Variants in SLCO5A1 observed in about 807,000 individuals in gnomAD.
The protein encoded by SLCO5A1 is solute carrier organic anion transporter family member 5A1.
Under a neutral mutation model 65.1 loss-of-function variants are expected in SLCO5A1, and 39 were observed. That is an observed-to-expected ratio of 0.60 (90% confidence interval 0.46 to 0.78). The LOEUF (loss-of-function observed/expected upper bound fraction) is 0.78. Ranked by LOEUF, SLCO5A1 falls within the 30% of genes least tolerant of loss-of-function variation. SLCO5A1 has a pLI of 0.00. For missense variants in SLCO5A1, 1,029 were observed against 1,069.4 expected, an observed-to-expected ratio of 0.96 and a Z score of 0.53; for synonymous variants, 438 against 415.7, an observed-to-expected ratio of 1.05 and a Z score of -0.65.
At position 69,682,327 on chromosome 8, in the gene SLCO5A1, G is replaced by A. The variant is rs1178481715; in HGVS notation, c.1639C>T (p.Pro547Ser). Reference sequence around the variant, plus strand: ...CAGCTTCCTGTCAGATTCCTATGGGGCATGGTGAGAGAAGGTCTAAGAGAG... The same window carrying A: ...CAGCTTCCTGTCAGATTCCTATGGGACATGGTGAGAGAAGGTCTAAGAGAG... ...PYTTGPSLTM[P>S]HRNLTGSCNV... The change falls in exon 7 of 10, where the codon CCC becomes TCC. Residue 547 changes from proline (P) to serine (S), a missense_variant. Pro to Ser is a moderately conservative substitution (Grantham distance 74). This residue lies in a region of SLCO5A1 where 124 missense variants were observed against 184.5 expected (regional missense o/e 0.67). Transcript: ENST00000260126. 4 of 1,605,914 alleles carry A rather than the reference G, an allele frequency of 2.5e-6. No homozygotes were observed. The highest frequency in any genetic ancestry group is 3.4e-6 in the Non-Finnish European group (4 of 1,176,876).
intron 4 of SLCO5A1, among the ~76,000 whole-genome samples, chr8:69,746,515 A>G (rs1413554345): frequency 2.0e-5 from 3 of 152,184 alleles, no homozygotes; most frequent in Admixed American, 6.5e-5. Context: ...TATATAAAAG[A>G]TGGGGATTTT....
chr8:69,711,823 T>C (rs1469555855), intron 5 of SLCO5A1, among the ~76,000 whole-genome samples: 1 of 152,248 alleles, frequency 6.6e-6, no homozygotes, highest in African/African-American at 2.4e-5. Context: ...TCGAACAGTG[T>C]CTGACCAACA....
At chr8:69,726,701 A>T (rs1192537351) in intron 5 of SLCO5A1, among the ~76,000 whole-genome samples, 1 of 151,860 alleles carries the variant, frequency 6.6e-6, no homozygotes, top group Admixed American at 6.6e-5. Context: ...GGGTTTTGTC[A>T]TGTTGGTCAG....
Position 69,676,631 on chromosome 8 carries a change from C to G in SLCO5A1, c.2067G>C (p.Gln689His). Residue 689 changes from glutamine (Q) to histidine (H), a missense_variant, in exon 9 of 10, where the codon CAG (glutamine) becomes CAC (histidine). Gln to His is a conservative substitution (Grantham distance 24, BLOSUM62 0). Around this residue, in one of 3 missense-constraint regions of SLCO5A1, gnomAD observed 258 missense variants for 237.4 expected, o/e 1.09. Transcript: ENST00000260126. ...DEERPFALGM[Q>H]FVLLRTLAYI... ...TACCAAGTGTTCGCAACAAAACAAA[C>G]TGCATTCCCAGTGCAAAAGGTCTCT... 1.2e-6 allele frequency: 2 copies of G among 1,612,830 alleles called. No homozygotes were observed. The highest frequency in any genetic ancestry group is 8.5e-7 in the Non-Finnish European group (1 of 1,179,410).
chr8:69,833,604 C>G (rs1364242423), intron 1 of SLCO5A1: 1 of 152,200 alleles, frequency 6.6e-6, no homozygotes, highest in Admixed American at 6.5e-5. Flanking sequence ...CAATGTATTC[C>G]CTGTCCCAAT....
At chr8:69,725,204 T>C (rs1211559405) in intron 5 of SLCO5A1, among the ~76,000 whole-genome samples, 2 of 152,188 alleles carry the variant, frequency 1.3e-5, no homozygotes, top group Non-Finnish European at 2.9e-5. Context: ...GAGGCAGATC[T>C]TGAACCCAGA....
intron 5 of SLCO5A1, among the ~76,000 whole-genome samples, chr8:69,721,030 T>C (rs2130826463): frequency 6.6e-6 from 1 of 152,346 alleles, no homozygotes; most frequent in South Asian, 2.1e-4. Context: ...TTATGGCTGC[T>C]TGGAATAGAC....
At chr8:69,784,926 GAAA>G (rs1818982240) in intron 2 of SLCO5A1, among the ~76,000 whole-genome samples, 1 of 119,742 alleles carries the variant, frequency 8.4e-6, no homozygotes, top group Non-Finnish European at 1.7e-5. Context: ...AAGAAAGAAA[GAAA>G]GAAAGAAAGA....
intron 2 of SLCO5A1, among the ~76,000 whole-genome samples, chr8:69,819,392 C>A (rs934846176): frequency 4.0e-5 from 6 of 151,728 alleles, no homozygotes; most frequent in African/African-American, 1.5e-4. Context: ...TCCAGCATTG[C>A]CCATGGCTAG....
chr8:69,794,560 TA>T, intron 2 of SLCO5A1: 2 of 345,638 alleles, frequency 5.8e-6, no homozygotes, highest in South Asian at 5.6e-5. Flanking sequence ...GGATTTGTCA[TA>T]ACTATTTTAT....
At chr8:69,698,102 C>T (rs574683861) in intron 6 of SLCO5A1, among the ~76,000 whole-genome samples, 37 of 152,188 alleles carry the variant, frequency 2.4e-4, no homozygotes, top group Non-Finnish European at 3.4e-4. Flanking sequence ...TGGGAACATG[C>T]GGTATTTGGT....
intron 2 of SLCO5A1, among the ~76,000 whole-genome samples, chr8:69,774,128 C>T (rs1351099975): frequency 6.6e-6 from 1 of 152,196 alleles, no homozygotes; most frequent in Non-Finnish European, 1.5e-5. Context: ...ACTAATAAGC[C>T]TTTATTGAAT....
intron 5 of SLCO5A1, among the ~76,000 whole-genome samples, chr8:69,733,065 T>A (rs1485203782): frequency 6.6e-6 from 1 of 152,136 alleles, no homozygotes; most frequent in African/African-American, 2.4e-5. Flanking sequence ...ATTAGTTACA[T>A]AGATTAAATG....
intron 3 of SLCO5A1, among the ~76,000 whole-genome samples, chr8:69,757,950 T>C (rs879846902): frequency 3.3e-5 from 5 of 152,152 alleles, no homozygotes; most frequent in Non-Finnish European, 5.9e-5. Flanking sequence ...CAGGCAGACC[T>C]GGGTTTGTAT....
chr8:69,683,516 C>T (rs1813870594), intron 6 of SLCO5A1, among the ~76,000 whole-genome samples: 1 of 151,890 alleles, frequency 6.6e-6, no homozygotes, highest in South Asian at 2.1e-4. Context: ...ACATTGCACT[C>T]AATAGGTAAT....
chr8:69,717,131 C>T (rs6472483), intron 5 of SLCO5A1, among the ~76,000 whole-genome samples: 50,047 of 151,966 alleles, frequency 0.33, 9,181 homozygotes, highest in Middle Eastern at 0.45. Flanking sequence ...TACATTTTGA[C>T]GAACTCCAAC....
At chr8:69,803,832 A>G (rs1819867772) in intron 2 of SLCO5A1, among the ~76,000 whole-genome samples, 1 of 152,152 alleles carries the variant, frequency 6.6e-6, no homozygotes, top group Non-Finnish European at 1.5e-5. Context: ...ACAAAACTGA[A>G]AAATTACACT....
At chr8:69,820,683 A>T (rs1363283228) in intron 2 of SLCO5A1, among the ~76,000 whole-genome samples, 3 of 152,222 alleles carry the variant, frequency 2.0e-5, no homozygotes, top group East Asian at 1.9e-4. Context: ...AAATATATTT[A>T]AAAAAATTAA....
intron 8 of SLCO5A1, 40 bp from the exon 9 acceptor site, chr8:69,676,713 A>G: frequency 3.8e-6 from 6 of 1,566,562 alleles, no homozygotes; most frequent in Non-Finnish European, 5.3e-6. Context: ...TTTAAATAGT[A>G]GCCCCAAGAA....
Sources: allele counts gnomAD v4.1 joint callset (sites outside exome capture counted in the v4.1 genomes callset), GRCh38; gene constraint gnomAD v4.1.1; regional missense constraint gnomAD v4.1.1; transcripts MANE v1.5; gene names NCBI Gene and HGNC (gene_info 2026-07-23, HGNC 2026-07-21).